AZIN1: variants seen among roughly 807,000 people sequenced by gnomAD.
The protein encoded by AZIN1 is antizyme inhibitor 1.
A neutral mutation model predicts 47.4 loss-of-function variants in AZIN1; 12 were observed. The ratio of observed to expected loss-of-function variants is 0.25; its 90% CI spans 0.16 to 0.41. AZIN1 has a LOEUF of 0.41. Ranked by LOEUF, AZIN1 falls within the 10% of genes least tolerant of loss-of-function variation. The pLI, the probability that AZIN1 is intolerant of heterozygous loss-of-function variation, is 1.00. For missense variants in AZIN1, 410 were observed against 532.4 expected (o/e 0.77, Z 2.26); for synonymous variants, 155 against 176.3 (o/e 0.88, Z 0.96).
chr8:102,828,513 T>A lies in AZIN1; in HGVS notation c.*54A>T, dbSNP rs1811228042. The A allele has an allele frequency of 2.5e-6, 3 of 1,199,118 alleles. No individual in the cohort carries two copies. The highest frequency in any genetic ancestry group is 1.4e-5 in the South Asian group (1 of 71,418). The allele number at this position is 1,199,118 out of a possible 1,614,324, so 74.3% of individuals were successfully genotyped here. On this transcript the variant is annotated 3_prime_UTR_variant, in exon 12 of 12. Transcript: ENST00000337198. ...AAATTATTTTTCCACACTGGAATGTTGACCAGACAAGCTTAACCTGCAACT... is the reference window on the plus strand; with the variant it reads ...AAATTATTTTTCCACACTGGAATGTAGACCAGACAAGCTTAACCTGCAACT...
chr8:102,831,249 A>G (rs2131193862), intron 9 of AZIN1, among the ~76,000 whole-genome samples: 1 of 152,308 alleles, frequency 6.6e-6, no homozygotes, highest in South Asian at 2.1e-4. Flanking sequence ...CTATGAGTCT[A>G]AACTCATAAA....
At chr8:102,859,108 G>A (rs1260912940) in intron 1 of AZIN1, 1 of 144,944 alleles carries the variant, frequency 6.9e-6, no homozygotes, top group African/African-American at 2.6e-5. Flanking sequence ...ACTCCTGGTG[G>A]AGGCAAAATG....
At chr8:102,848,156 G>A (rs1467150422) in intron 2 of AZIN1, among the ~76,000 whole-genome samples, 1 of 151,982 alleles carries the variant, frequency 6.6e-6, no homozygotes, top group African/African-American at 2.4e-5. Context: ...ATACAGCTTG[G>A]GTGTGTCGTA....
At chr8:102,842,171 G>T (rs893336840) in intron 3 of AZIN1, among the ~76,000 whole-genome samples, 1 of 151,988 alleles carries the variant, frequency 6.6e-6, no homozygotes, top group African/African-American at 2.4e-5. Flanking sequence ...TTCTGTAGAA[G>T]TTGACTCCTA....
rs1812371873 is a variant in AZIN1, at chr8:102,843,697, C to T, written c.-45G>A. The T allele has an allele frequency of 6.2e-7, 1 of 1,611,002 alleles. No homozygotes were observed. Among genetic ancestry groups the T allele is most frequent in the Non-Finnish European group, 8.5e-7 (1 of 1,178,658 alleles). ...GCCGAAAGTCATAAACCAGGAAAGA[C>T]AAGAGACGGGCCACCAAGCCTATGT... On this transcript the variant is annotated 5_prime_UTR_variant, in exon 3 of 12. Coordinates refer to ENST00000337198, the MANE Select transcript of AZIN1 (RefSeq NM_148174.4).
intron 7 of AZIN1, 26 bp from the exon 8 acceptor site, chr8:102,834,289 A>T: frequency 5.1e-6 from 8 of 1,579,688 alleles, no homozygotes; most frequent in Non-Finnish European, 6.9e-6. Flanking sequence ...AAAAATTTAA[A>T]TGTTTTTCCA....
In AZIN1 at chr8:102,828,514, G is replaced by T; in HGVS notation, c.*53C>A. On this transcript the variant is annotated 3_prime_UTR_variant, in exon 12 of 12. Transcript: ENST00000337198. ...AATTATTTTTCCACACTGGAATGTT[G>T]ACCAGACAAGCTTAACCTGCAACTT... 1 of 1,199,704 alleles carries T rather than the reference G, an allele frequency of 8.3e-7. No individual in the cohort carries two copies. Among genetic ancestry groups the T allele is most frequent in the Non-Finnish European group, 1.2e-6 (1 of 834,762 alleles). The allele number at this position is 1,199,704 out of a possible 1,614,324, so 74.3% of individuals were successfully genotyped here.
chr8:102,844,634 T>TAA (rs34428083), intron 2 of AZIN1, among the ~76,000 whole-genome samples: 25 of 146,376 alleles, frequency 1.7e-4, no homozygotes, highest in Middle Eastern at 3.5e-3. Flanking sequence ...CAGGTTGTTG[T>TAA]AAAAAAAAAA....
At chr8:102,854,200 A>G (rs1240004198) in intron 2 of AZIN1, among the ~76,000 whole-genome samples, 1 of 151,796 alleles carries the variant, frequency 6.6e-6, no homozygotes, top group Non-Finnish European at 1.5e-5. Context: ...CAGCCTCCCA[A>G]AGTGCTGGGA....
At chr8:102,830,783 C>T (rs577998008) in intron 9 of AZIN1, among the ~76,000 whole-genome samples, 1 of 152,290 alleles carries the variant, frequency 6.6e-6, no homozygotes, top group African/African-American at 2.4e-5. Flanking sequence ...TAAAGACTGA[C>T]ACTACAAAAC....
intron 5 of AZIN1, 83 bp from the exon 6 acceptor site, chr8:102,836,473 GTTGA>G: frequency 7.0e-7 from 1 of 1,431,636 alleles, no homozygotes; most frequent in Non-Finnish European, 9.6e-7. Flanking sequence ...TAGGAAGTGT[GTTGA>G]TTATGTTGCC....
chr8:102,842,830 G>A (rs1301155766), intron 3 of AZIN1, among the ~76,000 whole-genome samples: 4 of 151,864 alleles, frequency 2.6e-5, no homozygotes, highest in African/African-American at 7.3e-5. Flanking sequence ...TTGCTTGAAC[G>A]CAGGAGGCAG....
At chr8:102,837,539 C>A (rs1388772080) in intron 5 of AZIN1, among the ~76,000 whole-genome samples, 1 of 152,122 alleles carries the variant, frequency 6.6e-6, no homozygotes. Context: ...AAAAATTATT[C>A]TAAGGTTAGA....
intron 2 of AZIN1, among the ~76,000 whole-genome samples, chr8:102,857,778 C>G (rs563947099): frequency 6.6e-6 from 1 of 152,024 alleles, no homozygotes; most frequent in South Asian, 2.1e-4. Flanking sequence ...CGTATATTTT[C>G]TAAGTTATGC....
chr8:102,836,546 A>G, intron 5 of AZIN1, 156 bp from the exon 6 acceptor site: 6 of 763,366 alleles, frequency 7.9e-6, no homozygotes, highest in Non-Finnish European at 1.2e-5. Context: ...ACAATCCTGT[A>G]TAGAGAAAAA....
intron 4 of AZIN1, 150 bp downstream of exon 4, chr8:102,839,500 A>G (rs768103732): frequency 5.4e-6 from 3 of 553,302 alleles, no homozygotes; most frequent in Non-Finnish European, 8.9e-6. Flanking sequence ...AAAGCTTGTA[A>G]TTTTCCAACA....
intron 2 of AZIN1, among the ~76,000 whole-genome samples, chr8:102,851,422 T>C (rs1264270104): frequency 6.6e-6 from 1 of 152,182 alleles, no homozygotes; most frequent in Non-Finnish European, 1.5e-5. Context: ...AGAAATCAGA[T>C]GCTGGCCGGA....
intron 9 of AZIN1, among the ~76,000 whole-genome samples, chr8:102,831,439 C>A (rs1453656806): frequency 6.7e-6 from 1 of 148,938 alleles, no homozygotes; most frequent in African/African-American, 2.5e-5. Context: ...CTGCCTGACA[C>A]AACCTTAAAC....
At chr8:102,832,973 A>G in intron 9 of AZIN1, 83 bp downstream of exon 9, 3 of 1,273,756 alleles carry the variant, frequency 2.4e-6, no homozygotes, top group Non-Finnish European at 3.3e-6. Flanking sequence ...AAAACCACCT[A>G]CAACTTCATG....
Sources: gnomAD v4.1 joint callset for allele counts (sites outside exome capture counted in the v4.1 genomes callset) on GRCh38, gnomAD v4.1.1 for gene constraint, MANE v1.5 for transcripts, NCBI Gene and HGNC (gene_info 2026-07-23, HGNC 2026-07-21) for gene names.